Variants in MED16 observed in about 807,000 individuals in gnomAD.
MED16 encodes mediator complex subunit 16.
A neutral mutation model predicts 84.4 loss-of-function variants in MED16; 81 were observed. That is an observed-to-expected ratio of 0.96 (90% CI 0.80 to 1.15). The LOEUF is 1.15. Among genes scored for constraint, MED16 ranks in the 50% most tolerant of loss-of-function variants. The pLI is 0.00. For missense variants in MED16, 1,585 were observed against 1,245.9 expected, an observed-to-expected ratio of 1.27 and a Z score of -4.10; for synonymous variants, 897 against 552.2, an observed-to-expected ratio of 1.62 and a Z score of -8.76.
intron 13 of MED16, among the ~76,000 whole-genome samples, chr19:870,702 G>A (rs528854472): frequency 3.9e-5 from 6 of 152,090 alleles, no homozygotes; most frequent in African/African-American, 7.2e-5. Flanking sequence ...TCATGGCCAT[G>A]ACTGGAGAAC....
chr19:879,739 T>C (rs867818427), intron 8 of MED16, among the ~76,000 whole-genome samples, 198 bp downstream of exon 8: 20 of 143,290 alleles, frequency 1.4e-4, no homozygotes, highest in African/African-American at 4.5e-4. Flanking sequence ...CAGCTCGCCT[T>C]CCCCTGGTTG....
At chr19:879,632 G>C (rs1436855529) in intron 8 of MED16, among the ~76,000 whole-genome samples, 8 of 36,800 alleles carry the variant, frequency 2.2e-4, no homozygotes, top group Non-Finnish European at 3.5e-4. Flanking sequence ...CCAGCCCCAC[G>C]TGCCCCAGCA....
chr19:871,002 C>T (rs1320746645), intron 13 of MED16, 35 bp downstream of exon 13: 11 of 1,516,012 alleles, frequency 7.3e-6, no homozygotes, highest in South Asian at 1.2e-5. Flanking sequence ...AGGAAGGAGT[C>T]CTGTGTTTGG....
intron 10 of MED16, 125 bp downstream of exon 10, chr19:875,119 G>A (rs1336147734): frequency 6.8e-5 from 40 of 586,936 alleles, no homozygotes; most frequent in Middle Eastern, 9.6e-4. Context: ...AGCTGAGATC[G>A]CACCACTGCA....
intron 4 of MED16, among the ~76,000 whole-genome samples, chr19:889,273 G>A (rs1406799799): frequency 6.6e-6 from 1 of 152,124 alleles, no homozygotes; most frequent in Non-Finnish European, 1.5e-5. Flanking sequence ...TACTAAATCA[G>A]AGGGTGGGCT....
At chr19:884,034 C>T (rs1469540744) in intron 6 of MED16, among the ~76,000 whole-genome samples, 6 of 152,118 alleles carry the variant, frequency 3.9e-5, no homozygotes, top group East Asian at 3.9e-4. Context: ...CTGCAGGCCC[C>T]GGGAGCCATC....
intron 4 of MED16, among the ~76,000 whole-genome samples, chr19:887,028 G>A (rs1030820329): frequency 6.7e-6 from 1 of 150,056 alleles, no homozygotes; most frequent in African/African-American, 2.5e-5. Flanking sequence ...GCAGTGAGCC[G>A]AGATCACACC....
Position 868,162 on chromosome 19 carries a change from G to A in MED16, c.2573C>T (p.Thr858Ile), listed in dbSNP as rs1163338520. 2.5e-6 allele frequency: 4 copies of A among 1,611,634 alleles called. No individual in the cohort carries two copies. The Admixed American group carries it at 6.7e-5, about 27-fold the overall frequency. ...TCTGGGGGTCCTGGGAGAGTGGTGT[G>A]TGGACTGCGGGCCCAGCTGGACAAA... The part of the protein sequence containing the change: ...PAFVQLGPQS[T>I]HHSPRTPRSL... Residue 858 changes from threonine to isoleucine, a missense_variant, in exon 16 of 16, where the codon ACA (threonine) becomes ATA (isoleucine). Thr to Ile is a moderately conservative substitution (Grantham distance 89). Coordinates refer to ENST00000325464, the MANE Select transcript of MED16 (RefSeq NM_005481.3).
intron 13 of MED16, among the ~76,000 whole-genome samples, chr19:870,200 G>T (rs1227968232): frequency 2.0e-5 from 3 of 152,148 alleles, no homozygotes; most frequent in African/African-American, 4.8e-5. Flanking sequence ...CATCCAGGGG[G>T]GCCAGAGACT....
intron 1 of MED16, 145 bp from the exon 2 acceptor site, chr19:891,294 G>A (rs1310505478): frequency 5.1e-6 from 4 of 779,966 alleles, no homozygotes; most frequent in Admixed American, 5.9e-5. Context: ...CAGAGCCTGG[G>A]GCTGGGGCCG....
At chr19:870,453 G>A (rs12460696) in intron 13 of MED16, among the ~76,000 whole-genome samples, 24,375 of 151,784 alleles carry the variant, frequency 0.16, 2,500 homozygotes, top group East Asian at 0.57. Flanking sequence ...CCCAGCTACT[G>A]GGAAGGCTGA....
chr19:877,290 A>C, intron 8 of MED16, 110 bp from the exon 9 acceptor site: 1 of 1,030,526 alleles, frequency 9.7e-7, no homozygotes, highest in Non-Finnish European at 1.4e-6. Context: ...GTGTGCGCGC[A>C]CGCCCGTGTG....
chr19:883,181 A>AGTGGGGAT (rs970755204), intron 6 of MED16, among the ~76,000 whole-genome samples: 7 of 152,082 alleles, frequency 4.6e-5, no homozygotes, highest in Non-Finnish European at 7.4e-5. Context: ...TAAGCTGCTA[A>AGTGGGGAT]GTGGGGATGT....
chr19:883,295 G>T (rs1042984002), intron 6 of MED16, among the ~76,000 whole-genome samples: 1 of 149,068 alleles, frequency 6.7e-6, no homozygotes, highest in Non-Finnish European at 1.5e-5. Context: ...CCGAAGCCTG[G>T]CATGGTGGGC....
intron 8 of MED16, among the ~76,000 whole-genome samples, chr19:878,259 C>A (rs1208017010): frequency 1.2e-4 from 8 of 64,792 alleles, no homozygotes; most frequent in Non-Finnish European, 1.4e-4. Flanking sequence ...CCCAGCCCCA[C>A]GGGCCCCAGC....
At chr19:883,302 G>A (rs906686084) in intron 6 of MED16, among the ~76,000 whole-genome samples, 9 of 148,940 alleles carry the variant, frequency 6.0e-5, no homozygotes, top group Admixed American at 1.3e-4. Context: ...CTGGCATGGT[G>A]GGCACGTGGG....
Position 868,145 on chromosome 19 carries a change from T to A in MED16, c.2590A>T (p.Thr864Ser). Residue 864 changes from threonine to serine, a missense_variant, in exon 16 of 16, where the codon ACC (threonine) becomes TCC (serine). Transcript: ENST00000325464. ...GPQSTHHSPRTPRSLDHLHPE... is the reference protein window; with the variant it reads ...GPQSTHHSPRSPRSLDHLHPE... ...TGCAGATGGTCCAGGGATCTGGGGG[T>A]CCTGGGAGAGTGGTGTGTGGACTGC... 1 of 1,611,532 alleles carries A rather than the reference T, an allele frequency of 6.2e-7. No homozygotes were observed. Among genetic ancestry groups the A allele is most frequent in the Non-Finnish European group, 8.5e-7 (1 of 1,179,532 alleles).
intron 7 of MED16, among the ~76,000 whole-genome samples, chr19:880,776 C>A (rs920712200): frequency 2.0e-5 from 3 of 152,032 alleles, no homozygotes; most frequent in African/African-American, 7.3e-5. Context: ...AAAAAATTAG[C>A]CGGGCGTGGC....
intron 8 of MED16, among the ~76,000 whole-genome samples, chr19:879,399 A>G (rs367611766): frequency 0.022 from 609 of 27,522 alleles, no homozygotes; most frequent in Middle Eastern, 0.031. Context: ...CCAGCAGCTC[A>G]CCTTTCCCTG....
Sources: gnomAD v4.1 joint callset for allele counts (sites outside exome capture counted in the v4.1 genomes callset) on GRCh38, gnomAD v4.1.1 for gene constraint, MANE v1.5 for transcripts, NCBI Gene and HGNC (gene_info 2026-07-23, HGNC 2026-07-21) for gene names.